Variants in PAX7 observed in about 807,000 individuals in gnomAD.
PAX7 encodes the protein paired box protein Pax-7.
A neutral mutation model predicts 50.7 loss-of-function variants in PAX7; 18 were observed. The observed-to-expected ratio is 0.36, with a 90% confidence interval of 0.25 to 0.53. The LOEUF is 0.53. Among genes scored for constraint, PAX7 ranks in the 20% least tolerant of loss-of-function variants. PAX7 has a pLI of 0.93. For synonymous variants in PAX7, 310 were observed against 290.4 expected, an observed-to-expected ratio of 1.07 and a Z score of -0.69; for missense variants, 644 against 702.9, an observed-to-expected ratio of 0.92 and a Z score of 0.95.
chr1:18,736,138 A>C, intron 8 of PAX7: 1 of 642,392 alleles, frequency 1.6e-6, no homozygotes, highest in Non-Finnish European at 2.7e-6. Flanking sequence ...CACAAATATC[A>C]CTTAACATTT....
intron 4 of PAX7, among the ~76,000 whole-genome samples, chr1:18,681,693 TTATTTTATTTTA>T (rs374536563): frequency 0.13 from 1,548 of 12,052 alleles, 30 homozygotes; most frequent in African/African-American, 0.28. Flanking sequence ...GGCTTAGAAT[TTATTTTATTTTA>T]TTTTATTTTA....
At chr1:18,653,187 ATT>A (rs5772811) in intron 4 of PAX7, among the ~76,000 whole-genome samples, 31 of 143,436 alleles carry the variant, frequency 2.2e-4, no homozygotes, top group Non-Finnish European at 3.1e-4. Context: ...GGTTTTTTTC[ATT>A]TTTTTTTTTC....
chr1:18,741,341 T>A (rs1931118937), intron 8 of PAX7, among the ~76,000 whole-genome samples: 1 of 151,866 alleles, frequency 6.6e-6, no homozygotes. Context: ...TCCCAGCTAC[T>A]TGGGAGACTG....
rs1431535820 is a variant in PAX7, at chr1:18,735,640, C to T, written c.1164C>T (p.Ser388=). The change falls in exon 8 of 9, where the codon AGC becomes AGT. Residue 388 remains serine, a synonymous_variant. Transcript: ENST00000420770. This position sits in a 1 kb window ranked among gnomAD's most constrained non-coding sequence, Gnocchi z 4.0. The part of the protein sequence containing the change: ...VSNGLSPQVM[S]ILGNPSAVPP... ...TGGCCTTTTCCCCACAGGTGATGAG[C>T]ATCTTGGGCAACCCCAGTGCGGTGC... 1.2e-6 allele frequency: 2 copies of T among 1,611,710 alleles called. No individual in the cohort carries two copies. The highest frequency in any genetic ancestry group is 1.3e-5 in the African/African-American group (1 of 75,038).
At chr1:18,666,659 G>C (rs2088674009) in intron 4 of PAX7, among the ~76,000 whole-genome samples, 1 of 152,194 alleles carries the variant, frequency 6.6e-6, no homozygotes, top group African/African-American at 2.4e-5. Flanking sequence ...GGGTGACTGA[G>C]GGAGGCATCT....
At chr1:18,671,748 C>T (rs1170914826) in intron 4 of PAX7, among the ~76,000 whole-genome samples, 1 of 151,208 alleles carries the variant, frequency 6.6e-6, no homozygotes, top group Non-Finnish European at 1.5e-5. Context: ...CTTTGGGAGA[C>T]TGAAGCAGGA....
chr1:18,679,440 G>A (rs2088867368), intron 4 of PAX7, among the ~76,000 whole-genome samples: 1 of 152,208 alleles, frequency 6.6e-6, no homozygotes, highest in South Asian at 2.1e-4. Context: ...TGGGTGGTCA[G>A]GCTGCCTTTT....
chr1:18,724,167 G>T (rs898521432), intron 7 of PAX7, among the ~76,000 whole-genome samples: 2 of 152,206 alleles, frequency 1.3e-5, no homozygotes, highest in African/African-American at 4.8e-5. Context: ...ATTAAGCTTC[G>T]AAATTGAATT....
At chr1:18,723,258 G>A (rs1398391950) in intron 7 of PAX7, among the ~76,000 whole-genome samples, 1 of 152,128 alleles carries the variant, frequency 6.6e-6, no homozygotes, top group Non-Finnish European at 1.5e-5. Flanking sequence ...CCCTGGGGGT[G>A]GGGTGTAATA....
In PAX7 at chr1:18,665,836, A is replaced by AT. The variant is rs533808861; in HGVS notation, c.587-25911dup. ...AGGCGTGCACCACCATGCCTGACTGATTTTTTTGTATTTTAAATAGAGACA... is the reference window on the plus strand; with the variant it reads ...AGGCGTGCACCACCATGCCTGACTGATTTTTTTTGTATTTTAAATAGAGACA... On this transcript the variant is annotated intron_variant, in intron 4 of 8. Transcript: ENST00000420770. 2.4e-4 allele frequency among the ~76,000 whole-genome samples: 37 copies of AT among 151,650 alleles called. No homozygotes were observed. In the South Asian group the frequency reaches 7.7e-3, roughly 32 times the overall value.
intron 7 of PAX7, among the ~76,000 whole-genome samples, chr1:18,721,377 G>A (rs539238483): frequency 7.9e-5 from 12 of 152,302 alleles, no homozygotes; most frequent in South Asian, 2.1e-4. Context: ...CAGAGGTGGC[G>A]GTGGGTGTGC....
Position 18,747,481 on chromosome 1 carries a change from T to G in PAX7, c.*2552T>G. On this transcript the variant is annotated 3_prime_UTR_variant, in exon 9 of 9. Transcript: ENST00000420770. The stretch of plus-strand genomic sequence containing the variant: ...CCGTATATTAACGCATCTGGCCAAC[T>G]TGGGTTATAAAATTCAGCCTTGTGT... 4.6e-6 allele frequency: 1 copy of G among 218,414 alleles called. No individual in the cohort carries two copies. Among genetic ancestry groups the G allele is most frequent in the Non-Finnish European group, 9.2e-6 (1 of 108,718 alleles). The allele number at this position is 218,414 out of a possible 1,614,324, so 13.5% of individuals were successfully genotyped here. A position where few individuals can be genotyped will look rare whatever the true frequency, so the allele number is the denominator to read the frequency against.
intron 8 of PAX7, among the ~76,000 whole-genome samples, 174 bp from the exon 9 acceptor site, chr1:18,744,640 A>T (rs12725629): frequency 7.5e-6 from 1 of 132,460 alleles, no homozygotes; most frequent in Non-Finnish European, 1.6e-5. Flanking sequence ...TGGATGAAAG[A>T]ATGGATGAGT....
chr1:18,714,611 C>CT (rs2089395670), intron 7 of PAX7, among the ~76,000 whole-genome samples: 1 of 152,212 alleles, frequency 6.6e-6, no homozygotes, highest in Admixed American at 6.5e-5. Flanking sequence ...GGCCTTACTG[C>CT]TGTGGGCCTC....
At chr1:18,650,540 C>T (rs910802066) in intron 4 of PAX7, among the ~76,000 whole-genome samples, 8 of 152,186 alleles carry the variant, frequency 5.3e-5, no homozygotes, top group Non-Finnish European at 1.2e-4. Flanking sequence ...CCCGGAGTCA[C>T]CCAGGTGCTT....
intron 4 of PAX7, among the ~76,000 whole-genome samples, chr1:18,690,363 G>A (rs916718695): frequency 6.6e-6 from 1 of 152,238 alleles, no homozygotes; most frequent in African/African-American, 2.4e-5. Flanking sequence ...CTTCCTTTCT[G>A]CTTCCTCTTC....
chr1:18,682,997 G>A (rs1570166092), intron 4 of PAX7, among the ~76,000 whole-genome samples: 2 of 152,190 alleles, frequency 1.3e-5, no homozygotes, highest in East Asian at 1.9e-4. Flanking sequence ...CTGCTCACCA[G>A]GACAGGGGAG....
At chr1:18,641,816 C>A (rs913983782) in intron 4 of PAX7, among the ~76,000 whole-genome samples, 3 of 152,142 alleles carry the variant, frequency 2.0e-5, no homozygotes, top group Non-Finnish European at 4.4e-5. Context: ...TGAGGCGCGA[C>A]CACAGCAGCC....
At position 18,634,433 on chromosome 1, in the gene PAX7, C is replaced by T. The variant is rs1557498806; in HGVS notation, c.216C>T (p.Ile72=). The change falls in exon 2 of 9, where the codon ATC becomes ATT. Residue 72 remains isoleucine (I), a synonymous_variant. Transcript: ENST00000420770. The surrounding 1 kb of genome is among the most constrained non-coding windows in gnomAD (Gnocchi z 4.0). ...ACCATGGCATCCGGCCCTGTGTCAT[C>T]TCCCGACAGCTGCGTGTCTCCCACG... The part of the protein sequence containing the change: ...MAHHGIRPCV[I]SRQLRVSHGC... The T allele has an allele frequency of 6.2e-7, 1 of 1,614,118 alleles. No homozygotes were observed. The highest frequency in any genetic ancestry group is 8.5e-7 in the Non-Finnish European group (1 of 1,180,060).
Sources: allele counts gnomAD v4.1 joint callset (sites outside exome capture counted in the v4.1 genomes callset), GRCh38; gene constraint gnomAD v4.1.1; non-coding constraint Gnocchi (gnomAD v3.1); transcripts MANE v1.5; gene names NCBI Gene and HGNC (gene_info 2026-07-23, HGNC 2026-07-21).